The following KHDC1 variants were observed in gnomAD, a reference collection of about 807,000 sequenced individuals.
KHDC1 encodes the protein KH homology domain-containing protein 1.
In KHDC1, 21 loss-of-function variants were observed where a neutral mutation model predicts 24.7. The observed-to-expected ratio is 0.85, with a 90% CI of 0.60 to 1.23. KHDC1 has a LOEUF of 1.23. Ranked by LOEUF, KHDC1 falls within the 50% of genes most tolerant of loss-of-function variation. The probability of loss-of-function intolerance (pLI) is 0.00; values close to 1 mark genes in which losing one functional copy is unlikely to be tolerated. For synonymous variants in KHDC1, 98 were observed against 111.7 expected (o/e 0.88, Z 0.77); for missense variants, 274 against 298.5 (o/e 0.92, Z 0.61).
intron 2 of KHDC1, among the ~76,000 whole-genome samples, chr6:73,247,573 C>A (rs183263271): frequency 2.0e-5 from 3 of 151,878 alleles, no homozygotes; most frequent in African/African-American, 7.3e-5. Flanking sequence ...ATCAAGTGGA[C>A]GGCCGGGCAC....
intron 2 of KHDC1, among the ~76,000 whole-genome samples, chr6:73,277,209 T>C (rs942391821): frequency 1.3e-5 from 2 of 152,188 alleles, no homozygotes; most frequent in African/African-American, 4.8e-5. Flanking sequence ...GGCTCACACC[T>C]GTAATTCAAG....
chr6:73,242,767 A>G (rs1046934031), intron 2 of KHDC1, among the ~76,000 whole-genome samples: 1 of 152,082 alleles, frequency 6.6e-6, no homozygotes, highest in Non-Finnish European at 1.5e-5. Context: ...TGCCTTTCTG[A>G]TGCCCCGGAA....
At position 73,273,411 on chromosome 6, in the gene KHDC1, C is replaced by T. The variant is rs1392285764; in HGVS notation, c.206+18587G>A. Among the ~76,000 whole-genome samples, 15 of 148,428 alleles carry T rather than the reference C, an allele frequency of 1.0e-4. No individual in the cohort carries two copies. The Admixed American group carries it at 1.0e-3, about 10-fold the overall frequency. ...TCGAACTCCTGACCTGAAGTGATCCCCCCGCCTCGGCCTCCCAAAGTGCTG... is the reference window on the plus strand; with the variant it reads ...TCGAACTCCTGACCTGAAGTGATCCTCCCGCCTCGGCCTCCCAAAGTGCTG... On this transcript the variant is annotated intron_variant, in intron 2 of 4. Transcript: ENST00000370384.
chr6:73,266,277 A>G (rs773494407), intron 2 of KHDC1, among the ~76,000 whole-genome samples: 1 of 152,210 alleles, frequency 6.6e-6, no homozygotes, highest in Non-Finnish European at 1.5e-5. Flanking sequence ...CTCTAATGTC[A>G]CTCTTAATAA....
At chr6:73,281,824 A>T in intron 2 of KHDC1, among the ~76,000 whole-genome samples, 1 of 152,022 alleles carries the variant, frequency 6.6e-6, no homozygotes, top group East Asian at 1.9e-4. Context: ...TTTAGTCATC[A>T]TGTCTCCTTA....
At chr6:73,258,535 A>T (rs1766923768) in intron 2 of KHDC1, among the ~76,000 whole-genome samples, 1 of 152,208 alleles carries the variant, frequency 6.6e-6, no homozygotes, top group Admixed American at 6.5e-5. Flanking sequence ...GAGTCAAATA[A>T]GTGTTAGCCC....
intron 1 of KHDC1, among the ~76,000 whole-genome samples, chr6:73,308,858 G>A (rs1230252334): frequency 6.6e-6 from 1 of 152,092 alleles, no homozygotes; most frequent in Non-Finnish European, 1.5e-5. Context: ...TTGAGACGGA[G>A]TCTCGCTCTG....
intron 2 of KHDC1, chr6:73,263,081 C>CGGCTGCAGG: frequency 9.7e-7 from 1 of 1,031,254 alleles, no homozygotes; most frequent in Non-Finnish European, 1.2e-6. Flanking sequence ...GCGGCGGCAG[C>CGGCTGCAGG]GGCTGCAGGC....
At chr6:73,284,135 A>G (rs1767472543) in intron 2 of KHDC1, among the ~76,000 whole-genome samples, 1 of 152,186 alleles carries the variant, frequency 6.6e-6, no homozygotes, top group South Asian at 2.1e-4. Flanking sequence ...GAACTGAAAC[A>G]GCCTTTGTAA....
At chr6:73,265,528 C>CAAAAAAAAAAAAAAAAAAAAA (rs70994179) in intron 2 of KHDC1, among the ~76,000 whole-genome samples, 1 of 74,502 alleles carries the variant, frequency 1.3e-5, no homozygotes, top group Non-Finnish European at 2.6e-5. Context: ...GACTCCGTCT[C>CAAAAAAAAAAAAAAAAAAAAA]AAAAAAAAAA....
At chr6:73,288,974 GAC>G (rs746047672) in intron 2 of KHDC1, among the ~76,000 whole-genome samples, 20 of 152,062 alleles carry the variant, frequency 1.3e-4, no homozygotes, top group Non-Finnish European at 2.8e-4. Context: ...GCATATCAGA[GAC>G]ACACTCAGTA....
intron 2 of KHDC1, among the ~76,000 whole-genome samples, chr6:73,279,668 C>G (rs1767370015): frequency 6.8e-6 from 1 of 147,830 alleles, no homozygotes; most frequent in Non-Finnish European, 1.5e-5. Context: ...CAGCCTTGAC[C>G]TCTTAGGCTC....
Position 73,293,456 on chromosome 6 carries a change from G to A in KHDC1, c.164-1416C>T, listed in dbSNP as rs1444917039. Among the ~76,000 whole-genome samples, 3 of 152,272 alleles carry A rather than the reference G, an allele frequency of 2.0e-5. No homozygotes were observed. In the South Asian group the frequency reaches 6.3e-4, roughly 32 times the overall value. On this transcript the variant is annotated intron_variant, in intron 1 of 4. Coordinates refer to ENST00000370384, the Ensembl canonical transcript of KHDC1. The stretch of plus-strand genomic sequence containing the variant: ...CACAAAAAAATTTTAATCCTTTTAA[G>A]CTAATTATAGATTCACATGTAGTTG...
chr6:73,282,334 T>A (rs1337124289), intron 2 of KHDC1, among the ~76,000 whole-genome samples: 6 of 151,984 alleles, frequency 3.9e-5, no homozygotes, highest in African/African-American at 1.5e-4. Flanking sequence ...TTCATCACAT[T>A]ATACCTGAAA....
In KHDC1 at chr6:73,268,860, C is replaced by T. The variant is rs151161445; in HGVS notation, c.206+23138G>A. ...CAGGTGGAGGTGCCTGCCAGTCCCG[C>T]GCCCTGCGGTCGCACTCCTCAGCCC... On this transcript the variant is annotated intron_variant, in intron 2 of 4. Transcript: ENST00000370384. 5.4e-3 allele frequency: 834 copies of T among 153,832 alleles called. 8 individuals carry two copies. Among genetic ancestry groups the T allele is most frequent in the Middle Eastern group, 0.017 (5 of 300 alleles). The allele number at this position is 153,832 out of a possible 1,614,324, so 9.5% of individuals were successfully genotyped here. A position where few individuals can be genotyped will look rare whatever the true frequency, so the allele number is the denominator to read the frequency against.
At chr6:73,281,831 C>T (rs993196253) in intron 2 of KHDC1, among the ~76,000 whole-genome samples, 1 of 152,094 alleles carries the variant, frequency 6.6e-6, no homozygotes, top group Non-Finnish European at 1.5e-5. Flanking sequence ...ATCATGTCTC[C>T]TTAGGCTCCT....
intron 2 of KHDC1, among the ~76,000 whole-genome samples, chr6:73,278,723 G>A (rs1222053936): frequency 6.6e-6 from 1 of 151,974 alleles, no homozygotes; most frequent in Non-Finnish European, 1.5e-5. Context: ...TTCTTACTGT[G>A]CCTAACATAA....
At chr6:73,308,862 C>T (rs772021418) in intron 1 of KHDC1, among the ~76,000 whole-genome samples, 4 of 152,068 alleles carry the variant, frequency 2.6e-5, no homozygotes, top group Non-Finnish European at 4.4e-5. Context: ...GACGGAGTCT[C>T]GCTCTGTTGC....
chr6:73,298,054 G>A (rs1458655246), intron 1 of KHDC1, among the ~76,000 whole-genome samples: 3 of 152,098 alleles, frequency 2.0e-5, no homozygotes, highest in African/African-American at 7.2e-5. Context: ...AGCCGGGCAT[G>A]GTGGGGCATG....
Sources: gnomAD v4.1 joint callset for allele counts (sites outside exome capture counted in the v4.1 genomes callset) on GRCh38, gnomAD v4.1.1 for gene constraint, MANE v1.5 for transcripts, NCBI Gene and HGNC (gene_info 2026-07-23, HGNC 2026-07-21) for gene names.